Variants in USP3 observed in about 807,000 individuals in gnomAD.
The protein encoded by USP3 is ubiquitin specific peptidase 3.
USP3 carries 20 observed loss-of-function variants against 72.3 expected under a neutral mutation model. The observed-to-expected ratio is 0.28, with a 90% CI of 0.19 to 0.40. The LOEUF (loss-of-function observed/expected upper bound fraction) is 0.40, where lower values mean the gene tolerates loss of function less well. USP3 is among the 10% of genes least tolerant of loss of function. The probability of loss-of-function intolerance (pLI) is 1.00; values close to 1 mark genes in which losing one functional copy is unlikely to be tolerated. For synonymous variants in USP3, 222 were observed against 225.3 expected (o/e 0.99, Z 0.13); for missense variants, 479 against 633.9 (o/e 0.76, Z 2.62).
chr15:63,545,890 G>A (rs1032511180), intron 3 of USP3, among the ~76,000 whole-genome samples: 9 of 146,960 alleles, frequency 6.1e-5, no homozygotes, highest in Non-Finnish European at 1.2e-4. Context: ...AGTATGGCTT[G>A]AGCCCAGGAG....
Position 63,559,952 on chromosome 15 carries a change from G to T in USP3, c.629G>T (p.Ser210Ile), listed in dbSNP as rs1292315637. 3 of 1,613,928 alleles carry T rather than the reference G, an allele frequency of 1.9e-6. No homozygotes were observed. Among genetic ancestry groups the T allele is most frequent in the Non-Finnish European group, 8.5e-7 (1 of 1,179,872 alleles). ...TAGRRTYHTR[S>I]QGDNNVSLVE... ...GGAAGGCGGACATACCACACCAGGA[G>T]CCAAGGGGATAACAATGTGTGAGTT... Residue 210 changes from serine to isoleucine, a missense_variant, in exon 7 of 15, where the codon AGC (serine) becomes ATC (isoleucine). By Grantham distance (142) the Ser-to-Ile change is moderately radical. Transcript: ENST00000380324.
At chr15:63,577,189 CACTT>C (rs1479611726) in intron 11 of USP3, among the ~76,000 whole-genome samples, 2 of 152,200 alleles carry the variant, frequency 1.3e-5, no homozygotes, top group Non-Finnish European at 2.9e-5. Context: ...AGTTTGATCT[CACTT>C]ATATTATAGA....
At position 63,574,457 on chromosome 15, in the gene USP3, T is replaced by C; in HGVS notation, c.1096+54T>C. The C allele has an allele frequency of 7.5e-7, 1 of 1,335,934 alleles. No homozygotes were observed. The highest frequency in any genetic ancestry group is 2.1e-5 in the Admixed American group (1 of 47,262). The allele number at this position is 1,335,934 out of a possible 1,614,324, so 82.8% of individuals were successfully genotyped here. Reference sequence around the variant, plus strand: ...TTTTTCTTTAAATAATTGAATAGATTGATAAGCTTCATCTATATGTGGTAT... The same window carrying C: ...TTTTTCTTTAAATAATTGAATAGATCGATAAGCTTCATCTATATGTGGTAT... On this transcript the variant is annotated intron_variant, in intron 11 of 14. Transcript: ENST00000380324. This position sits in a 1 kb window ranked among gnomAD's most constrained non-coding sequence, Gnocchi z 4.6.
At chr15:63,537,223 C>A in intron 3 of USP3, 67 bp downstream of exon 3, 2 of 1,533,824 alleles carry the variant, frequency 1.3e-6, no homozygotes, top group Admixed American at 1.9e-5. Flanking sequence ...CCCCTCCCTT[C>A]CCTCAGTCTC....
At chr15:63,526,200 G>A (rs62011326) in intron 1 of USP3, among the ~76,000 whole-genome samples, 18,719 of 152,002 alleles carry the variant, frequency 0.12, 1,585 homozygotes, top group South Asian at 0.2. Flanking sequence ...TTTATATGCC[G>A]GTATGTAGTA....
At position 63,544,775 on chromosome 15, in the gene USP3, A is replaced by G; in HGVS notation, c.284+7619A>G. The G allele has an allele frequency of 1.4e-6, 1 of 700,702 alleles. No homozygotes were observed. Among genetic ancestry groups the G allele is most frequent in the Non-Finnish European group, 2.6e-6 (1 of 384,242 alleles). The allele number at this position is 700,702 out of a possible 1,614,324, so 43.4% of individuals were successfully genotyped here. A position where few individuals can be genotyped will look rare whatever the true frequency, so the allele number is the denominator to read the frequency against. ...GGGATGAAAGCTTAACTCTAAAACT[A>G]GAGCAGGTAACACTGAAGTGAAAGG... On this transcript the variant is annotated intron_variant, in intron 3 of 14. Coordinates refer to ENST00000380324, the MANE Select transcript of USP3 (RefSeq NM_006537.4). This position sits in a 1 kb window ranked among gnomAD's most constrained non-coding sequence, Gnocchi z 4.2.
At chr15:63,576,991 A>G (rs1246722739) in intron 11 of USP3, among the ~76,000 whole-genome samples, 1 of 152,140 alleles carries the variant, frequency 6.6e-6, no homozygotes, top group African/African-American at 2.4e-5. Flanking sequence ...GGCAAGAACT[A>G]CTTGTGTACT....
chr15:63,581,341 G>GTT (rs1192044113), intron 11 of USP3, among the ~76,000 whole-genome samples: 6 of 135,768 alleles, frequency 4.4e-5, no homozygotes, highest in South Asian at 2.3e-4. Flanking sequence ...GTTTGTGTTG[G>GTT]TTTTTGTGTG....
intron 1 of USP3, among the ~76,000 whole-genome samples, chr15:63,523,501 G>A (rs928988969): frequency 6.6e-6 from 1 of 152,144 alleles, no homozygotes; most frequent in Non-Finnish European, 1.5e-5. Context: ...AACTCATTCT[G>A]TTTGGTACAT....
chr15:63,505,344 G>C (rs1158378038), intron 1 of USP3, among the ~76,000 whole-genome samples: 1 of 152,208 alleles, frequency 6.6e-6, no homozygotes, highest in Non-Finnish European at 1.5e-5. Context: ...GCCGAACCCG[G>C]CCCGGGTTTC....
chr15:63,520,554 A>ATTTTTTT (rs35244583), intron 1 of USP3, among the ~76,000 whole-genome samples: 4 of 105,424 alleles, frequency 3.8e-5, no homozygotes, highest in African/African-American at 7.5e-5. Flanking sequence ...TCTGTTTTAG[A>ATTTTTTT]TTTTTTTTTT....
chr15:63,509,271 C>G (rs2065752174), intron 1 of USP3, among the ~76,000 whole-genome samples: 1 of 152,078 alleles, frequency 6.6e-6, no homozygotes, highest in Admixed American at 6.6e-5. Flanking sequence ...TTATTAAGTG[C>G]CTAATACTTA....
At chr15:63,520,883 T>C (rs972233105) in intron 1 of USP3, among the ~76,000 whole-genome samples, 6 of 152,118 alleles carry the variant, frequency 3.9e-5, no homozygotes, top group Admixed American at 2.6e-4. Context: ...ATTTTTAAAA[T>C]CTCATCCTTA....
chr15:63,516,993 T>G (rs1477521492), intron 1 of USP3, among the ~76,000 whole-genome samples: 2 of 151,624 alleles, frequency 1.3e-5, no homozygotes, highest in African/African-American at 4.8e-5. Flanking sequence ...TCTGATTTTC[T>G]TATTTCTTTG....
chr15:63,504,929 G>A, intron 1 of USP3, 99 bp downstream of exon 1: 1 of 959,490 alleles, frequency 1.0e-6, no homozygotes. Flanking sequence ...GCGGACTCGG[G>A]GAGGGGCGAG....
intron 9 of USP3, among the ~76,000 whole-genome samples, chr15:63,571,038 A>G (rs1482311186): frequency 1.3e-5 from 2 of 152,202 alleles, no homozygotes; most frequent in African/African-American, 4.8e-5. Context: ...AAATCGAGGC[A>G]TTTGTAAGTT....
intron 8 of USP3, among the ~76,000 whole-genome samples, chr15:63,569,194 A>T (rs1428062022): frequency 6.6e-6 from 1 of 152,232 alleles, no homozygotes; most frequent in Non-Finnish European, 1.5e-5. Flanking sequence ...TGGATATTGT[A>T]TTAAATAAGT....
At chr15:63,538,653 C>G (rs1358789141) in intron 3 of USP3, among the ~76,000 whole-genome samples, 2 of 151,186 alleles carry the variant, frequency 1.3e-5, no homozygotes, top group Non-Finnish European at 2.9e-5. Context: ...TCAAGCCATT[C>G]TCCTGCCTCA....
intron 1 of USP3, among the ~76,000 whole-genome samples, chr15:63,512,402 C>CTTCTTCT (rs372627460): frequency 6.8e-6 from 1 of 147,674 alleles, no homozygotes. Context: ...TTTCTTCCTT[C>CTTCTTCT]TTCTTCTTTC....
Sources: gnomAD v4.1 joint callset for allele counts (sites outside exome capture counted in the v4.1 genomes callset) on GRCh38, gnomAD v4.1.1 for gene constraint, Gnocchi (gnomAD v3.1) non-coding constraint, MANE v1.5 for transcripts, NCBI Gene and HGNC (gene_info 2026-07-23, HGNC 2026-07-21) for gene names.